The following KANK1 variants were observed in gnomAD, a reference collection of about 807,000 sequenced individuals.
The protein encoded by KANK1 is KN motif and ankyrin repeat domains 1, also known as KN motif and ankyrin repeat domain-containing protein 1.
A neutral mutation model predicts 106.2 loss-of-function variants in KANK1; 109 were observed. The ratio of observed to expected loss-of-function variants is 1.03; its 90% CI spans 0.88 to 1.20. The LOEUF is 1.20. Ranked by LOEUF, KANK1 falls within the 50% of genes most tolerant of loss-of-function variation. KANK1 has a pLI of 0.00. For synonymous variants in KANK1, 873 were observed against 652.2 expected (o/e 1.34, Z -5.16); for missense variants, 2,399 against 1,710.7 (o/e 1.40, Z -7.10).
chr9:603,459 G>T (rs1828285494), intron 1 of KANK1, among the ~76,000 whole-genome samples: 1 of 151,778 alleles, frequency 6.6e-6, no homozygotes, highest in East Asian at 1.9e-4. Context: ...TAATGTAAAG[G>T]TTAGTAATGT....
Position 704,256 on chromosome 9 carries a change from T to C in KANK1, c.38-6548T>C, listed in dbSNP as rs926999570. Among the ~76,000 whole-genome samples, 5 of 152,278 alleles carry C rather than the reference T, an allele frequency of 3.3e-5. No homozygotes were observed. The South Asian group carries it at 6.2e-4, about 19-fold the overall frequency. ...TTTATATCTTTTTCACTTAAAAGTATAGAGGTAGGCTTTTTAGAAATGTTA... is the reference window on the plus strand; with the variant it reads ...TTTATATCTTTTTCACTTAAAAGTACAGAGGTAGGCTTTTTAGAAATGTTA... On this transcript the variant is annotated intron_variant, in intron 2 of 11. Transcript: ENST00000382297.
intron 1 of KANK1, among the ~76,000 whole-genome samples, chr9:642,007 C>G (rs570043936): frequency 6.6e-6 from 1 of 152,266 alleles, no homozygotes; most frequent in Non-Finnish European, 1.5e-5. Flanking sequence ...CACACACCCC[C>G]CAGCACTAGG....
At chr9:506,825 G>C (rs1173655774) in intron 1 of KANK1, among the ~76,000 whole-genome samples, 10 of 152,188 alleles carry the variant, frequency 6.6e-5, no homozygotes, top group Admixed American at 3.9e-4. Context: ...ACTGGGAAGA[G>C]GAATGGGATA....
intron 2 of KANK1, among the ~76,000 whole-genome samples, chr9:682,178 G>C (rs57365969): frequency 0.052 from 7,934 of 151,856 alleles, 670 homozygotes; most frequent in African/African-American, 0.18. Flanking sequence ...TACTCGGGAG[G>C]CTGAGGCAGG....
chr9:730,355 A>C (rs1408896479), intron 4 of KANK1, 107 bp downstream of exon 4: 2 of 1,177,896 alleles, frequency 1.7e-6, no homozygotes, highest in East Asian at 2.5e-5. Flanking sequence ...GAAGAAAGTT[A>C]ATATCGTTAT....
At chr9:681,602 T>C (rs1283004890) in intron 2 of KANK1, among the ~76,000 whole-genome samples, 1 of 152,144 alleles carries the variant, frequency 6.6e-6, no homozygotes, top group African/African-American at 2.4e-5. Context: ...AAAAAAAGAA[T>C]AGCTGTAAAA....
intron 1 of KANK1, among the ~76,000 whole-genome samples, chr9:666,775 C>T (rs1273353888): frequency 6.6e-6 from 1 of 152,020 alleles, no homozygotes; most frequent in East Asian, 1.9e-4. Context: ...TCTTTGCATC[C>T]CTGGGGTGAA....
chr9:613,034 A>C (rs185746071), intron 1 of KANK1, among the ~76,000 whole-genome samples: 276 of 152,226 alleles, frequency 1.8e-3, no homozygotes, highest in African/African-American at 6.5e-3. Flanking sequence ...TTTTTAAATG[A>C]GTGGGTGAAG....
In KANK1 at chr9:645,149, A is replaced by G. The variant is rs992808825; in HGVS notation, c.-83-31741A>G. On this transcript the variant is annotated intron_variant, in intron 1 of 11. Transcript: ENST00000382297. ...TACAAAAAAAAAAAAAAAAAAAAGA[A>G]TTAGGCTTAGGGAGTGCATGGTGGC... Among the ~76,000 whole-genome samples, 7 of 142,126 alleles carry G rather than the reference A, an allele frequency of 4.9e-5. No individual in the cohort carries two copies. In the Admixed American group the frequency reaches 5.0e-4, roughly 10 times the overall value. The allele number at this position is 142,126 out of a possible 152,430, so 93.2% of individuals were successfully genotyped here.
At chr9:561,333 A>T (rs1256531754) in intron 1 of KANK1, among the ~76,000 whole-genome samples, 1 of 152,240 alleles carries the variant, frequency 6.6e-6, no homozygotes, top group Admixed American at 6.5e-5. Flanking sequence ...GAGCATGTAT[A>T]TCTTATGTAA....
At chr9:659,241 C>A (rs1842795574) in intron 1 of KANK1, among the ~76,000 whole-genome samples, 1 of 152,176 alleles carries the variant, frequency 6.6e-6, no homozygotes, top group African/African-American at 2.4e-5. Flanking sequence ...CCCTAGGTAT[C>A]ATTTTCTTAA....
At chr9:477,697 C>T (rs896553897) in intron 3 of KANK1, 2 of 152,262 alleles carry the variant, frequency 1.3e-5, no homozygotes, top group Non-Finnish European at 2.9e-5. Flanking sequence ...TGTTCTGCTC[C>T]TCACTTAAAA....
chr9:551,243 C>CT (rs2061264332), intron 1 of KANK1, among the ~76,000 whole-genome samples: 1 of 151,458 alleles, frequency 6.6e-6, no homozygotes, highest in African/African-American at 2.4e-5. Flanking sequence ...GCAGAAGACA[C>CT]ACACATTTGC....
At chr9:585,556 GT>G (rs1397536386) in intron 1 of KANK1, among the ~76,000 whole-genome samples, 1 of 152,114 alleles carries the variant, frequency 6.6e-6, no homozygotes, top group African/African-American at 2.4e-5. Flanking sequence ...TATGTAGTTT[GT>G]AAAAACTCTA....
chr9:512,075 G>T (rs543872674), intron 1 of KANK1, among the ~76,000 whole-genome samples: 3 of 152,268 alleles, frequency 2.0e-5, no homozygotes, highest in African/African-American at 7.2e-5. Flanking sequence ...AATGACTGTT[G>T]AGCAGAGCAC....
At chr9:531,846 G>GT (rs1563725678) in intron 1 of KANK1, among the ~76,000 whole-genome samples, 1 of 151,988 alleles carries the variant, frequency 6.6e-6, no homozygotes, top group Non-Finnish European at 1.5e-5. Context: ...GGCTGCTTCT[G>GT]TGTGTGTGTG....
intron 3 of KANK1, among the ~76,000 whole-genome samples, chr9:479,774 G>T (rs1292944624): frequency 2.0e-5 from 3 of 152,142 alleles, no homozygotes; most frequent in Non-Finnish European, 4.4e-5. Flanking sequence ...ATGCCCACCT[G>T]GCATCTTCCT....
Position 713,020 on chromosome 9 carries a change from T to A in KANK1, c.2254T>A (p.Ser752Thr), listed in dbSNP as rs1351174335. The change falls in exon 3 of 12, where the codon TCA becomes ACA. Residue 752 changes from serine to threonine, a missense_variant. Ser to Thr is a moderately conservative substitution (Grantham distance 58). Transcript: ENST00000382297. ...TGGCCATTCTGGGTTTGACAGGCCATCAGCTGTGAAGACCAAAGAGTCAGG... is the reference window on the plus strand; with the variant it reads ...TGGCCATTCTGGGTTTGACAGGCCAACAGCTGTGAAGACCAAAGAGTCAGG... ...LSGHSGFDRP[S>T]AVKTKESGVG... 1 of 1,614,012 alleles carries A rather than the reference T, an allele frequency of 6.2e-7. No homozygotes were observed. The highest frequency in any genetic ancestry group is 2.2e-5 in the East Asian group (1 of 44,894).
At chr9:672,161 C>G (rs756119797) in intron 1 of KANK1, among the ~76,000 whole-genome samples, 116 of 152,188 alleles carry the variant, frequency 7.6e-4, no homozygotes, top group Non-Finnish European at 1.4e-3. Context: ...CTGAATTGCT[C>G]AGCTTTAAAT....
Sources: allele counts gnomAD v4.1 joint callset (sites outside exome capture counted in the v4.1 genomes callset), GRCh38; gene constraint gnomAD v4.1.1; transcripts MANE v1.5; gene names NCBI Gene and HGNC (gene_info 2026-07-23, HGNC 2026-07-21).